Variants in KRT86 observed in about 807,000 individuals in gnomAD.
KRT86 encodes the protein keratin, type II cuticular Hb6.
KRT86 carries 30 observed loss-of-function variants against 41.2 expected under a neutral mutation model. The ratio of observed to expected loss-of-function variants is 0.73; its 90% CI spans 0.54 to 0.99. The LOEUF (loss-of-function observed/expected upper bound fraction) is 0.99. Ranked by LOEUF, KRT86 falls within the 50% of genes least tolerant of loss-of-function variation. KRT86 has a pLI of 0.00. For synonymous variants in KRT86, 238 were observed against 238.1 expected (o/e 1.00, Z 0.00); for missense variants, 561 against 571.4 (o/e 0.98, Z 0.19).
chr12:52,286,735 T>G, intron 2 of KRT86: 1 of 1,566,802 alleles, frequency 6.4e-7, no homozygotes, highest in East Asian at 2.2e-5. Flanking sequence ...TTCCAAACTC[T>G]GCCCTCCATC....
At chr12:52,308,160 T>TC in intron 9 of KRT86, 73 bp from the exon 10 acceptor site, 1 of 1,592,656 alleles carries the variant, frequency 6.3e-7, no homozygotes. Flanking sequence ...GCCACAGATG[T>TC]CCCCCTCCAC....
At chr12:52,291,617 C>A in intron 2 of KRT86, 2 of 1,242,680 alleles carry the variant, frequency 1.6e-6, no homozygotes, top group East Asian at 2.6e-5. Flanking sequence ...GCAATTTGCG[C>A]TTTATGGGCT....
intron 2 of KRT86, chr12:52,288,521 T>G: frequency 6.3e-7 from 1 of 1,575,872 alleles, no homozygotes; most frequent in Non-Finnish European, 8.7e-7. Context: ...CTCCTCTCTC[T>G]GCCCATCCAT....
intron 2 of KRT86, 91 bp from the exon 3 acceptor site, chr12:52,301,822 G>A (rs1319012998): frequency 1.2e-6 from 2 of 1,612,524 alleles, no homozygotes; most frequent in Non-Finnish European, 1.7e-6. Context: ...AAGGCCTACA[G>A]AGGTGCAAGT....
intron 2 of KRT86, among the ~76,000 whole-genome samples, chr12:52,301,148 T>C (rs1416940119): frequency 2.0e-5 from 3 of 150,852 alleles, no homozygotes; most frequent in Admixed American, 2.0e-4. Context: ...TGTGTGTGAG[T>C]GTGTATGTGA....
At chr12:52,305,522 T>G (rs1938489893) in intron 7 of KRT86, 118 bp downstream of exon 7, 1 of 1,599,788 alleles carries the variant, frequency 6.3e-7, no homozygotes, top group South Asian at 1.1e-5. Context: ...TGGCTGCCAC[T>G]CTGATGTTGG....
chr12:52,288,675 C>T (rs1168839569), intron 2 of KRT86, among the ~76,000 whole-genome samples: 1 of 152,104 alleles, frequency 6.6e-6, no homozygotes, highest in African/African-American at 2.4e-5. Flanking sequence ...CAGCCTTTCA[C>T]CCCTCCTTGC....
At chr12:52,306,763 C>G in intron 9 of KRT86, 2 of 209,830 alleles carry the variant, frequency 9.5e-6, no homozygotes, top group East Asian at 1.1e-4. Context: ...AAGTGGTATT[C>G]CATTGTGGCA....
intron 2 of KRT86, among the ~76,000 whole-genome samples, chr12:52,292,906 G>A (rs528862215): frequency 2.6e-5 from 4 of 152,306 alleles, no homozygotes; most frequent in Non-Finnish European, 5.9e-5. Context: ...GGAGTCTGAG[G>A]GGGGTGGATC....
intron 2 of KRT86, among the ~76,000 whole-genome samples, chr12:52,284,932 A>G (rs764986267): frequency 1.3e-5 from 2 of 152,214 alleles, no homozygotes; most frequent in Non-Finnish European, 2.9e-5. Context: ...TTCTCTCTGT[A>G]CTTGCAATCT....
chr12:52,288,138 A>G, intron 2 of KRT86: 1 of 1,614,100 alleles, frequency 6.2e-7, no homozygotes. Flanking sequence ...CGACTGGAGA[A>G]TGAGGATCTC....
intron 2 of KRT86, chr12:52,291,682 G>A: frequency 1.5e-6 from 1 of 652,320 alleles, no homozygotes; most frequent in South Asian, 2.0e-5. Flanking sequence ...TGGGGGAGTG[G>A]CCTGCACCCT....
intron 2 of KRT86, chr12:52,288,033 T>C (rs369316032): frequency 1.7e-5 from 27 of 1,614,088 alleles, no homozygotes; most frequent in Non-Finnish European, 2.2e-5. Context: ...GGTGACAATG[T>C]CGTCATACTG....
At chr12:52,305,591 A>G in intron 7 of KRT86, 72 bp from the exon 8 acceptor site, 1 of 1,613,070 alleles carries the variant, frequency 6.2e-7, no homozygotes, top group South Asian at 1.1e-5. Context: ...ACAACCTGCA[A>G]AATCATCTGT....
chr12:52,276,739 C>A (rs1937641156), intron 2 of KRT86, among the ~76,000 whole-genome samples: 1 of 152,168 alleles, frequency 6.6e-6, no homozygotes, highest in African/African-American at 2.4e-5. Flanking sequence ...TAGAAAGGAG[C>A]TAGTCCTCCA....
chr12:52,285,283 C>T (rs983521478), intron 2 of KRT86, among the ~76,000 whole-genome samples: 1 of 151,926 alleles, frequency 6.6e-6, no homozygotes, highest in Non-Finnish European at 1.5e-5. Flanking sequence ...GCCACATCAT[C>T]TTGCTATGTG....
Position 52,305,381 on chromosome 12 carries a change from G to C in KRT86, c.877G>C (p.Ala293Pro), listed in dbSNP as rs765295167. 3 of 1,614,256 alleles carry C rather than the reference G, an allele frequency of 1.9e-6. No homozygotes were observed. The Admixed American group carries it at 5.0e-5, about 27-fold the overall frequency. ...DDIVTRSRAE[A>P]ESWYRSKCEE... is the part of the protein sequence containing the mutation. ...CATTGTCACCCGTAGCCGGGCTGAG[G>C]CCGAGTCCTGGTACCGCAGCAAGGT... Residue 293 changes from alanine to proline, a missense_variant, in exon 7 of 11, where the codon GCC becomes CCC. This residue lies in a region of KRT86 where 397 missense variants were observed against 375.9 expected (regional missense o/e 1.06). Coordinates refer to ENST00000423955, the MANE Select transcript of KRT86 (RefSeq NM_001320198.2).
At chr12:52,306,435 C>T (rs1938521184) in intron 9 of KRT86, among the ~76,000 whole-genome samples, 155 bp downstream of exon 9, 1 of 152,196 alleles carries the variant, frequency 6.6e-6, no homozygotes, top group Non-Finnish European at 1.5e-5. Context: ...ATGATCTAGC[C>T]CCGTTTGAGT....
Position 52,306,052 on chromosome 12 carries a change from C to T in KRT86, c.1027-8C>T. On this transcript the variant is annotated splice_region_variant and splice_polypyrimidine_tract_variant and intron_variant, in intron 8 of 10. Transcript: ENST00000423955. ...TCTAATCTACCTTGTTCTCTCTGTT[C>T]TCTTCAGAATTCCAAGCTGGAGGCT... 2 of 1,613,798 alleles carry T rather than the reference C, an allele frequency of 1.2e-6. No individual in the cohort carries two copies. The highest frequency in any genetic ancestry group is 1.7e-5 in the Admixed American group (1 of 60,022).
Sources: allele counts gnomAD v4.1 joint callset (sites outside exome capture counted in the v4.1 genomes callset), GRCh38; gene constraint gnomAD v4.1.1; regional missense constraint gnomAD v4.1.1; transcripts MANE v1.5; gene names NCBI Gene and HGNC (gene_info 2026-07-23, HGNC 2026-07-21).